The following ROBO1 variants were observed in gnomAD, a reference collection of about 807,000 sequenced individuals.
The protein encoded by ROBO1 is roundabout guidance receptor 1, also known as roundabout homolog 1.
ROBO1 carries 149 observed loss-of-function variants against 195.9 expected under a neutral mutation model. The ratio of observed to expected loss-of-function variants is 0.76; its 90% CI spans 0.67 to 0.87. The LOEUF is 0.87. ROBO1 is among the 40% of genes least tolerant of loss of function. ROBO1 has a pLI of 0.00. For missense variants in ROBO1, 1,933 were observed against 2,068.3 expected, an observed-to-expected ratio of 0.93 and a Z score of 1.27; for synonymous variants, 816 against 733.2, an observed-to-expected ratio of 1.11 and a Z score of -1.82.
intron 1 of ROBO1, among the ~76,000 whole-genome samples, chr3:79,715,011 T>G (rs961094317): frequency 3.3e-5 from 5 of 151,876 alleles, no homozygotes; most frequent in Admixed American, 3.3e-4. Flanking sequence ...TAATAAAATT[T>G]TTTAAAAAAG....
At position 79,199,107 on chromosome 3, in the gene ROBO1, G is replaced by A. The variant is rs140848520; in HGVS notation, c.89-73568C>T. 4.7e-3 allele frequency among the ~76,000 whole-genome samples: 715 copies of A among 151,588 alleles called. 4 individuals are homozygous for A. Among genetic ancestry groups the A allele is most frequent in the African/African-American group, 0.016 (671 of 41,424 alleles). ...AGAGAGGGCATCCTTGTCTTGTGCCGGTTTTTATATACCTATCTTTTACAT... is the reference window on the plus strand; with the variant it reads ...AGAGAGGGCATCCTTGTCTTGTGCCAGTTTTTATATACCTATCTTTTACAT... On this transcript the variant is annotated intron_variant, in intron 2 of 30. Transcript: ENST00000464233.
intron 2 of ROBO1, among the ~76,000 whole-genome samples, chr3:79,488,090 AT>A (rs1939256530): frequency 6.6e-6 from 1 of 152,218 alleles, no homozygotes. Flanking sequence ...AATTAAAAAA[AT>A]AATGCTTTCT....
chr3:79,193,399 T>C (rs2081575726), intron 2 of ROBO1, among the ~76,000 whole-genome samples: 2 of 151,590 alleles, frequency 1.3e-5, no homozygotes, highest in African/African-American at 4.8e-5. Flanking sequence ...TAGTCATTAT[T>C]ATTCTCATGT....
rs138011312 is a variant in ROBO1 at position 78,996,126 on chromosome 3, C to A, written c.173-57199G>T. Among the ~76,000 whole-genome samples, 402 of 151,998 alleles carry A rather than the reference C, an allele frequency of 2.6e-3. 4 individuals are homozygous for A. Among genetic ancestry groups the A allele is most frequent in the African/African-American group, 9.1e-3 (376 of 41,486 alleles). On this transcript the variant is annotated intron_variant, in intron 3 of 30. Coordinates refer to ENST00000464233, the MANE Select transcript of ROBO1 (RefSeq NM_002941.4). ...ATATGTTACCCCAATATTTTTAAAACAATGTGAAATAAATCAAATACCTCC... is the reference window on the plus strand; with the variant it reads ...ATATGTTACCCCAATATTTTTAAAAAAATGTGAAATAAATCAAATACCTCC...
chr3:79,552,425 G>A (rs1055933001), intron 2 of ROBO1, among the ~76,000 whole-genome samples: 2 of 151,884 alleles, frequency 1.3e-5, no homozygotes, highest in Admixed American at 1.3e-4. Context: ...TTACTCTCAT[G>A]TCATTTCTTA....
chr3:79,751,893 G>A (rs1262113378), intron 1 of ROBO1, among the ~76,000 whole-genome samples: 8 of 152,138 alleles, frequency 5.3e-5, no homozygotes, highest in Non-Finnish European at 8.8e-5. Flanking sequence ...TTGCCAGAAT[G>A]TCACTGGCCA....
At chr3:79,176,198 G>A (rs993602987) in intron 2 of ROBO1, among the ~76,000 whole-genome samples, 2 of 152,124 alleles carry the variant, frequency 1.3e-5, no homozygotes, top group Admixed American at 1.3e-4. Flanking sequence ...ACTTTTACAA[G>A]GCACACACAT....
At chr3:79,559,634 G>T (rs1474143649) in intron 2 of ROBO1, among the ~76,000 whole-genome samples, 2 of 152,090 alleles carry the variant, frequency 1.3e-5, no homozygotes, top group African/African-American at 2.4e-5. Flanking sequence ...ACAAATATTT[G>T]CTGGCTGGGT....
At chr3:79,006,151 G>A (rs182396994) in intron 3 of ROBO1, among the ~76,000 whole-genome samples, 8 of 152,186 alleles carry the variant, frequency 5.3e-5, no homozygotes, top group South Asian at 2.1e-4. Flanking sequence ...CAAAGGGCTC[G>A]TGGTTTTGTT....
chr3:79,624,194 G>C (rs923569545), intron 1 of ROBO1, among the ~76,000 whole-genome samples: 19 of 152,042 alleles, frequency 1.2e-4, no homozygotes, highest in African/African-American at 4.1e-4. Context: ...GCTCCTAGAA[G>C]AAGTATAAAA....
rs1170834963 is a variant in ROBO1 at position 79,755,345 on chromosome 3, A to G, written c.-51+12407T>C. ...TTAAGCTGAATTTAATTCCATGGAA[A>G]CCCATCTACAAGCAACAGCATCAAG... On this transcript the variant is annotated intron_variant, in intron 1 of 30. Transcript: ENST00000464233. Among the ~76,000 whole-genome samples the G allele has an allele frequency of 5.3e-5, 8 of 152,226 alleles. No individual in the cohort carries two copies. The South Asian group carries it at 1.7e-3, about 32-fold the overall frequency.
chr3:79,618,394 C>A (rs1364931632), intron 1 of ROBO1, among the ~76,000 whole-genome samples: 1 of 152,086 alleles, frequency 6.6e-6, no homozygotes, highest in Non-Finnish European at 1.5e-5. Flanking sequence ...TGAAAATAGC[C>A]AATTCCTGCC....
intron 2 of ROBO1, among the ~76,000 whole-genome samples, chr3:79,552,500 T>C (rs1383748348): frequency 2.0e-5 from 3 of 152,248 alleles, no homozygotes; most frequent in African/African-American, 7.2e-5. Flanking sequence ...CTGAGTTTTA[T>C]AGAAGCAACC....
intron 2 of ROBO1, among the ~76,000 whole-genome samples, chr3:79,317,895 T>TAC (rs1209177433): frequency 2.6e-5 from 4 of 152,102 alleles, no homozygotes; most frequent in Non-Finnish European, 4.4e-5. Flanking sequence ...TATATATATA[T>TAC]ACACACACGC....
At chr3:79,183,352 A>G (rs2081380421) in intron 2 of ROBO1, among the ~76,000 whole-genome samples, 1 of 152,190 alleles carries the variant, frequency 6.6e-6, no homozygotes, top group Admixed American at 6.5e-5. Flanking sequence ...GATGAATGTG[A>G]AGAAAGAGAA....
chr3:79,555,467 A>G (rs554661830), intron 2 of ROBO1, among the ~76,000 whole-genome samples: 6 of 152,242 alleles, frequency 3.9e-5, no homozygotes, highest in African/African-American at 9.6e-5. Context: ...GCAGAAAAAC[A>G]TAGAGAAGAA....
At chr3:79,435,178 G>T (rs554388898) in intron 2 of ROBO1, among the ~76,000 whole-genome samples, 1 of 152,050 alleles carries the variant, frequency 6.6e-6, no homozygotes, top group Non-Finnish European at 1.5e-5. Context: ...AAACCTGCAC[G>T]TTGTGCACAT....
At position 79,674,320 on chromosome 3, in the gene ROBO1, TCAA is replaced by T. The variant is rs1459101901; in HGVS notation, c.-50-84362_-50-84360del. On this transcript the variant is annotated intron_variant, in intron 1 of 30. Coordinates refer to ENST00000464233, the MANE Select transcript of ROBO1 (RefSeq NM_002941.4). ...AACACTGAAGAACACGTGGCTGTTC[TCAA>T]TGCATGTCAATGCATGTAAATAATT... Among the ~76,000 whole-genome samples the T allele has an allele frequency of 2.6e-5, 4 of 151,986 alleles. No individual in the cohort carries two copies. In the East Asian group the frequency reaches 7.7e-4, roughly 29 times the overall value.
intron 3 of ROBO1, among the ~76,000 whole-genome samples, chr3:79,043,381 A>G (rs116068862): frequency 2.6e-5 from 4 of 152,066 alleles, no homozygotes; most frequent in Non-Finnish European, 5.9e-5. Flanking sequence ...ATTTTTAATT[A>G]AAAAAATTCT....
Sources: allele counts gnomAD v4.1 joint callset (sites outside exome capture counted in the v4.1 genomes callset), GRCh38; gene constraint gnomAD v4.1.1; transcripts MANE v1.5; gene names NCBI Gene and HGNC (gene_info 2026-07-23, HGNC 2026-07-21).